Variants in KIF16B observed in about 807,000 individuals in gnomAD.
KIF16B encodes kinesin family member 16B, also known as kinesin-like protein KIF16B.
A neutral mutation model predicts 156.3 loss-of-function variants in KIF16B; 98 were observed. The ratio of observed to expected loss-of-function variants is 0.63; its 90% CI spans 0.53 to 0.74. The LOEUF is 0.74. Ranked by LOEUF, KIF16B falls within the 30% of genes least tolerant of loss-of-function variation. The pLI, the probability that KIF16B is intolerant of heterozygous loss-of-function variation, is 0.00. For synonymous variants in KIF16B, 564 were observed against 583.7 expected (o/e 0.97, Z 0.49); for missense variants, 1,421 against 1,606.5 (o/e 0.88, Z 1.97).
intron 1 of KIF16B, among the ~76,000 whole-genome samples, chr20:16,530,874 T>C (rs2069723337): frequency 6.6e-6 from 1 of 152,108 alleles, no homozygotes; most frequent in Non-Finnish European, 1.5e-5. Context: ...CCTATTTTTG[T>C]ATTTTTTGTA....
At chr20:16,534,148 G>A (rs981461834) in intron 1 of KIF16B, among the ~76,000 whole-genome samples, 17 of 152,020 alleles carry the variant, frequency 1.1e-4, no homozygotes, top group Admixed American at 5.2e-4. Flanking sequence ...ATTCCTACTC[G>A]GGAGGCTGAG....
chr20:16,274,742 G>C (rs1408468171), intron 25 of KIF16B, among the ~76,000 whole-genome samples: 1 of 152,182 alleles, frequency 6.6e-6, no homozygotes. Context: ...TCACATAGGG[G>C]TGCACAGGCA....
chr20:16,485,456 C>T (rs944038284), intron 12 of KIF16B, among the ~76,000 whole-genome samples: 1 of 152,196 alleles, frequency 6.6e-6, no homozygotes, highest in African/African-American at 2.4e-5. Context: ...CTGCACAAGA[C>T]ACTAGAATTT....
At chr20:16,394,360 G>GA (rs1306230847) in intron 17 of KIF16B, among the ~76,000 whole-genome samples, 1 of 152,086 alleles carries the variant, frequency 6.6e-6, no homozygotes, top group African/African-American at 2.4e-5. Context: ...GGACAAAAAG[G>GA]AAAAAAGCAA....
At chr20:16,336,266 C>A (rs574107686) in intron 23 of KIF16B, among the ~76,000 whole-genome samples, 27 of 152,176 alleles carry the variant, frequency 1.8e-4, no homozygotes, top group African/African-American at 6.5e-4. Flanking sequence ...AGATGGTCAT[C>A]TCTTAATTGG....
chr20:16,561,370 G>C (rs17675670), intron 1 of KIF16B, among the ~76,000 whole-genome samples: 7,908 of 152,220 alleles, frequency 0.052, 271 homozygotes, highest in Non-Finnish European at 0.083. Context: ...CTTGTTTGAA[G>C]CACATAGTTC....
chr20:16,500,551 G>A (rs1265636391), intron 10 of KIF16B, among the ~76,000 whole-genome samples: 1 of 152,138 alleles, frequency 6.6e-6, no homozygotes, highest in Non-Finnish European at 1.5e-5. Flanking sequence ...GTGTGGCTTT[G>A]TCTCCTGCTA....
chr20:16,351,530 T>G (rs2064339010), intron 23 of KIF16B, among the ~76,000 whole-genome samples: 1 of 151,944 alleles, frequency 6.6e-6, no homozygotes, highest in Admixed American at 6.5e-5. Context: ...CAGGTGCAGC[T>G]GAGCGCAGGC....
At chr20:16,367,567 A>G (rs1460704124) in intron 22 of KIF16B, 1 of 1,612,888 alleles carries the variant, frequency 6.2e-7, no homozygotes, top group African/African-American at 1.3e-5. Context: ...CATGACTTTC[A>G]CTGTTGTGTA....
chr20:16,273,398 T>C lies in KIF16B; in HGVS notation c.3809A>G (p.Asp1270Gly). 6.2e-7 allele frequency: 1 copy of C among 1,614,024 alleles called. No homozygotes were observed. Among genetic ancestry groups the C allele is most frequent in the Non-Finnish European group, 8.5e-7 (1 of 1,179,978 alleles). The part of the protein sequence containing the change: ...RRSHLEKYLR[D>G]FFSVMLQSAT... ...GGACTGGAGCATCACGCTGAAAAAGTCCCTGAGGTATTTCTGTGGAAGAGA... is the reference window on the plus strand; with the variant it reads ...GGACTGGAGCATCACGCTGAAAAAGCCCCTGAGGTATTTCTGTGGAAGAGA... Residue 1270 changes from aspartate (D) to glycine (G), a missense_variant, in exon 26 of 26, where the codon GAC becomes GGC. Physicochemically the swap from Asp to Gly is moderately conservative, Grantham distance 94. Transcript: ENST00000354981.
At chr20:16,470,901 A>C (rs561436216) in intron 12 of KIF16B, among the ~76,000 whole-genome samples, 1 of 152,198 alleles carries the variant, frequency 6.6e-6, no homozygotes, top group East Asian at 1.9e-4. Context: ...ACCCCAGGGT[A>C]TGTGAACATA....
At chr20:16,501,700 G>A (rs2068631441) in intron 10 of KIF16B, among the ~76,000 whole-genome samples, 1 of 152,116 alleles carries the variant, frequency 6.6e-6, no homozygotes, top group Admixed American at 6.5e-5. Flanking sequence ...GCAACAGCAT[G>A]GGTGACTCTC....
intron 12 of KIF16B, among the ~76,000 whole-genome samples, chr20:16,435,782 T>G (rs909036239): frequency 2.6e-5 from 4 of 152,190 alleles, no homozygotes; most frequent in African/African-American, 9.6e-5. Flanking sequence ...AATTTGATTT[T>G]CAGTGGGGTC....
intron 25 of KIF16B, among the ~76,000 whole-genome samples, chr20:16,281,632 G>A (rs930585780): frequency 2.0e-5 from 3 of 152,258 alleles, no homozygotes; most frequent in African/African-American, 7.2e-5. Flanking sequence ...TTTCCAACAT[G>A]CTCCCAAATG....
intron 12 of KIF16B, among the ~76,000 whole-genome samples, chr20:16,474,275 G>C (rs923429283): frequency 6.6e-6 from 1 of 152,108 alleles, no homozygotes; most frequent in Non-Finnish European, 1.5e-5. Flanking sequence ...GCAGGCCTTG[G>C]CACTTACTAG....
chr20:16,343,257 T>A (rs563558629), intron 23 of KIF16B, among the ~76,000 whole-genome samples: 4 of 152,236 alleles, frequency 2.6e-5, no homozygotes, highest in Admixed American at 1.3e-4. Context: ...TGGACTGCAT[T>A]TACTTATAAA....
chr20:16,386,107 ACTGGCAT>A (rs1385939471), intron 17 of KIF16B, among the ~76,000 whole-genome samples: 1 of 152,158 alleles, frequency 6.6e-6, no homozygotes, highest in Non-Finnish European at 1.5e-5. Context: ...CTTGGCCTTC[ACTGGCAT>A]GTTGACAAGA....
rs560211428 is a variant in KIF16B at position 16,280,759 on chromosome 20, G to A, written c.3796-7348C>T. 1.3e-4 allele frequency among the ~76,000 whole-genome samples: 20 copies of A among 152,268 alleles called. 1 individual carries two copies. The Middle Eastern group carries it at 0.014, about 104-fold the overall frequency. Reference sequence around the variant, plus strand: ...GCCCGTAAGCCTGAAATGTAACATGGCCTTTCTTTGGGGCTGTCCATACTA... The same window carrying A: ...GCCCGTAAGCCTGAAATGTAACATGACCTTTCTTTGGGGCTGTCCATACTA... On this transcript the variant is annotated intron_variant, in intron 25 of 25. Coordinates refer to ENST00000354981, the MANE Select transcript of KIF16B (RefSeq NM_024704.5).
chr20:16,491,314 C>T (rs918491659), intron 12 of KIF16B, among the ~76,000 whole-genome samples: 4 of 152,054 alleles, frequency 2.6e-5, no homozygotes, highest in East Asian at 1.9e-4. Flanking sequence ...CAGATGATAC[C>T]GACAAGGAGA....
Sources: allele counts gnomAD v4.1 joint callset (sites outside exome capture counted in the v4.1 genomes callset), GRCh38; gene constraint gnomAD v4.1.1; transcripts MANE v1.5; gene names NCBI Gene and HGNC (gene_info 2026-07-23, HGNC 2026-07-21).